The following CTSE variants were observed in gnomAD, a reference collection of about 807,000 sequenced individuals.
CTSE encodes cathepsin E, also known as erythrocyte membrane aspartic proteinase.
A neutral mutation model predicts 42.8 loss-of-function variants in CTSE; 43 were observed. That is an observed-to-expected ratio of 1.01 (90% CI 0.79 to 1.30). The LOEUF (loss-of-function observed/expected upper bound fraction) is 1.30. Among genes scored for constraint, CTSE ranks in the 50% most tolerant of loss-of-function variants. CTSE has a pLI of 0.00. For missense variants in CTSE, 532 were observed against 493.5 expected, an observed-to-expected ratio of 1.08 and a Z score of -0.74; for synonymous variants, 205 against 191.5, an observed-to-expected ratio of 1.07 and a Z score of -0.58.
At chr1:206,020,901 G>T (rs1340351773) in intron 4 of CTSE, 148 bp downstream of exon 4, 3 of 636,706 alleles carry the variant, frequency 4.7e-6, no homozygotes, top group Admixed American at 5.0e-5. Context: ...CACCATCTCA[G>T]GTGGGGAGTG....
rs1553277086 is a variant in CTSE, at chr1:206,012,327, G to A, written c.1007C>T (p.Pro336Leu). 1 of 1,613,710 alleles carries A rather than the reference G, an allele frequency of 6.2e-7. No individual in the cohort carries two copies. Among genetic ancestry groups the A allele is most frequent in the South Asian group, 1.1e-5 (1 of 91,076 alleles). ...TINGVPYTLS[P>L]TAYTLLDFVD... ...TCTTACCAGTAGGGTGTAGGCAGTTGGGCTGAGGGTATAGGGGACTCCGTT... is the reference window on the plus strand; with the variant it reads ...TCTTACCAGTAGGGTGTAGGCAGTTAGGCTGAGGGTATAGGGGACTCCGTT... Residue 336 changes from proline to leucine, a missense_variant, in exon 8 of 9, where the codon CCA becomes CTA. Pro to Leu is a moderately conservative substitution (Grantham distance 98). Coordinates refer to ENST00000358184, the MANE Select transcript of CTSE (RefSeq NM_001910.4).
intron 3 of CTSE, 36 bp from the exon 4 acceptor site, chr1:206,021,203 G>A (rs1553278349): frequency 6.7e-6 from 10 of 1,499,062 alleles, no homozygotes; most frequent in East Asian, 2.3e-5. Flanking sequence ...TTATGCCATC[G>A]GCTCACTGGC....
At chr1:206,016,882 T>G (rs782521670) in intron 4 of CTSE, among the ~76,000 whole-genome samples, 10 of 152,178 alleles carry the variant, frequency 6.6e-5, no homozygotes, top group Non-Finnish European at 1.3e-4. Context: ...AAGATTGTAT[T>G]GGTGTATTAC....
Position 206,022,984 on chromosome 1 carries a change from A to T in CTSE, c.142T>A (p.Ser48Thr), listed in dbSNP as rs782570229. 6.2e-6 allele frequency: 10 copies of T among 1,612,376 alleles called. No homozygotes were observed. The South Asian group carries it at 1.1e-4, about 18-fold the overall frequency. ...AACTGGATCATGTCCAAATTATGGG[A>T]TTTCCAGAACTCAGAGAGCTGGCTC... Reference protein sequence around the residue: ...ARSQLSEFWKSHNLDMIQFTE... With the variant: ...ARSQLSEFWKTHNLDMIQFTE... Residue 48 changes from serine to threonine, a missense_variant, in exon 2 of 9, where the codon TCC becomes ACC. Ser to Thr is a moderately conservative substitution (Grantham distance 58). Coordinates refer to ENST00000358184, the MANE Select transcript of CTSE (RefSeq NM_001910.4).
intron 4 of CTSE, among the ~76,000 whole-genome samples, chr1:206,018,853 CTG>C (rs1228944298): frequency 6.6e-6 from 1 of 151,880 alleles, no homozygotes; most frequent in Non-Finnish European, 1.5e-5. Flanking sequence ...ATTTTCTGTA[CTG>C]TGTGATTTCT....
chr1:206,011,205 G>A (rs1021522133), intron 8 of CTSE, among the ~76,000 whole-genome samples: 2 of 151,836 alleles, frequency 1.3e-5, no homozygotes, highest in Non-Finnish European at 1.5e-5. Flanking sequence ...CACCATGCCC[G>A]GTCAGGTCAT....
chr1:206,012,291 A>G lies in CTSE; in HGVS notation c.1026+17T>C. ...GGGAGGGCCCTGTGGCCTGCAGAATAAGGAAACAGTTCTTACCAGTAGGGT... is the reference window on the plus strand; with the variant it reads ...GGGAGGGCCCTGTGGCCTGCAGAATGAGGAAACAGTTCTTACCAGTAGGGT... On this transcript the variant is annotated intron_variant, in intron 8 of 8. Transcript: ENST00000358184. The G allele has an allele frequency of 6.2e-7, 1 of 1,604,696 alleles. No individual in the cohort carries two copies. Among genetic ancestry groups the G allele is most frequent in the Non-Finnish European group, 8.5e-7 (1 of 1,171,890 alleles).
intron 4 of CTSE, among the ~76,000 whole-genome samples, chr1:206,018,579 C>G (rs536163824): frequency 1.1e-4 from 16 of 151,990 alleles, no homozygotes; most frequent in African/African-American, 3.9e-4. Context: ...TTTTTAATAA[C>G]AGAGTATATC....
intron 5 of CTSE, among the ~76,000 whole-genome samples, chr1:206,015,259 C>T (rs1661230444): frequency 6.6e-6 from 1 of 151,984 alleles, no homozygotes; most frequent in Admixed American, 6.6e-5. Context: ...AACTTTATAC[C>T]CATTAGGCCA....
Position 206,009,841 on chromosome 1 carries a change from T to G in CTSE, c.*342A>C. On this transcript the variant is annotated 3_prime_UTR_variant, in exon 9 of 9. Coordinates refer to ENST00000358184, the MANE Select transcript of CTSE (RefSeq NM_001910.4). ...AGGGCTGAGTGGAGTTGCAAAGGGA[T>G]TTATTATACCATGATCTCTGCTTGT... 6.7e-6 allele frequency: 2 copies of G among 298,872 alleles called. No homozygotes were observed. The highest frequency in any genetic ancestry group is 6.5e-6 in the Non-Finnish European group (1 of 154,724). The allele number at this position is 298,872 out of a possible 1,614,324, so 18.5% of individuals were successfully genotyped here. A position where few individuals can be genotyped will look rare whatever the true frequency, so the allele number is the denominator to read the frequency against.
At position 206,012,671 on chromosome 1, in the gene CTSE, C is replaced by T. The variant is rs78833937; in HGVS notation, c.786-22G>A. On this transcript the variant is annotated intron_variant, in intron 6 of 8. Transcript: ENST00000358184. ...GATGCTGAGGGGACAGGGTTGTGGT[C>T]GGCCCACCTTCCCTCCCCCGGCTCC... 36 of 1,607,772 alleles carry T rather than the reference C, an allele frequency of 2.2e-5. No homozygotes were observed. In the East Asian group the frequency reaches 3.8e-4, roughly 17 times the overall value.
intron 8 of CTSE, 22 bp downstream of exon 8, chr1:206,012,286 A>C: frequency 1.3e-6 from 2 of 1,598,718 alleles, no homozygotes; most frequent in South Asian, 2.2e-5. Context: ...TGTGGCCTGC[A>C]GAATAAGGAA....
chr1:206,020,174 A>G (rs1364119795), intron 4 of CTSE, among the ~76,000 whole-genome samples: 5 of 148,038 alleles, frequency 3.4e-5, no homozygotes, highest in African/African-American at 9.8e-5. Context: ...TCATATATGG[A>G]TATTATATAT....
Position 206,010,329 on chromosome 1 carries a change from G to T in CTSE, c.1045C>A (p.Gln349Lys). ...CCTTGAAAGCCACTGCTGCAGAACT[G>T]CATTCCATCCACGAAGTCCTGTGGG... ...YTLLDFVDGM[Q>K]FCSSGFQGLD... is the part of the protein sequence containing the mutation. Residue 349 changes from glutamine to lysine, a missense_variant, in exon 9 of 9, where the codon CAG (glutamine) becomes AAG (lysine). Gln to Lys is a moderately conservative substitution (Grantham distance 53). Transcript: ENST00000358184. 1 of 1,613,494 alleles carries T rather than the reference G, an allele frequency of 6.2e-7. No individual in the cohort carries two copies. Among genetic ancestry groups the T allele is most frequent in the Non-Finnish European group, 8.5e-7 (1 of 1,179,560 alleles).
At chr1:206,014,508 G>A (rs1330233257) in intron 5 of CTSE, among the ~76,000 whole-genome samples, 1 of 152,090 alleles carries the variant, frequency 6.6e-6, no homozygotes, top group African/African-American at 2.4e-5. Context: ...GTGGTAAAGA[G>A]GGAGAGGAGT....
Position 206,012,214 on chromosome 1 carries a change from G to A in CTSE, c.1026+94C>T, listed in dbSNP as rs548676877. On this transcript the variant is annotated intron_variant, in intron 8 of 8. Coordinates refer to ENST00000358184, the MANE Select transcript of CTSE (RefSeq NM_001910.4). The stretch of plus-strand genomic sequence containing the variant: ...AGAACAACGTGGGGCGGGGCTTAGG[G>A]TAAAGGCGGGCAAAGTGCAGGCGAT... The A allele has an allele frequency of 9.6e-5, 98 of 1,018,176 alleles. No homozygotes were observed. The Middle Eastern group carries it at 2.7e-3, about 28-fold the overall frequency. The allele number at this position is 1,018,176 out of a possible 1,614,324, so 63.1% of individuals were successfully genotyped here. A position where few individuals can be genotyped will look rare whatever the true frequency, so the allele number is the denominator to read the frequency against.
rs1187300668 is a variant in CTSE, at chr1:206,023,626, C to T, written c.68+98G>A. ...TTGACGCAAGCCCTCAGCTTCTCCT[C>T]CTCTTCACCTCCCCATCAGCTTTCC... On this transcript the variant is annotated intron_variant, in intron 1 of 8. Coordinates refer to ENST00000358184, the MANE Select transcript of CTSE (RefSeq NM_001910.4). 6.0e-6 allele frequency: 7 copies of T among 1,164,104 alleles called. 1 individual carries two copies. The highest frequency in any genetic ancestry group is 9.0e-6 in the Non-Finnish European group (7 of 776,444). The allele number at this position is 1,164,104 out of a possible 1,614,324, so 72.1% of individuals were successfully genotyped here.
At chr1:206,012,927 C>T (rs1553277258) in intron 6 of CTSE, among the ~76,000 whole-genome samples, 1 of 151,988 alleles carries the variant, frequency 6.6e-6, no homozygotes, top group Non-Finnish European at 1.5e-5. Context: ...ATCTCTTGAC[C>T]TTGTGATCCA....
At position 206,009,349 on chromosome 1, in the gene CTSE, C is replaced by G. The variant is rs1661017662; in HGVS notation, c.*834G>C. The stretch of plus-strand genomic sequence containing the variant: ...CTTAACATTACCAATAGAGAGGCAC[C>G]AGCATTATCTGCCTCCTGACAGGAT... On this transcript the variant is annotated 3_prime_UTR_variant, in exon 9 of 9. Coordinates refer to ENST00000358184, the MANE Select transcript of CTSE (RefSeq NM_001910.4). 6.6e-6 allele frequency: 1 copy of G among 152,032 alleles called. No individual in the cohort carries two copies. Among genetic ancestry groups the G allele is most frequent in the African/African-American group, 2.4e-5 (1 of 41,396 alleles). 9.4% of individuals were successfully genotyped at this position (152,032 alleles called of 1,614,324 possible). A position where few individuals can be genotyped will look rare whatever the true frequency, so the allele number is the denominator to read the frequency against.
Sources: allele counts gnomAD v4.1 joint callset (sites outside exome capture counted in the v4.1 genomes callset), GRCh38; gene constraint gnomAD v4.1.1; transcripts MANE v1.5; gene names NCBI Gene and HGNC (gene_info 2026-07-23, HGNC 2026-07-21).